The following ABI3BP variants were observed in gnomAD, a reference collection of about 807,000 sequenced individuals.
ABI3BP encodes ABI family member 3 binding protein.
ABI3BP carries 216 observed loss-of-function variants against 268.6 expected under a neutral mutation model. The observed-to-expected ratio is 0.80, with a 90% CI of 0.72 to 0.90. ABI3BP has a LOEUF of 0.90. Ranked by LOEUF, ABI3BP falls within the 40% of genes least tolerant of loss-of-function variation. The probability of loss-of-function intolerance (pLI) is 0.00; values close to 1 mark genes in which losing one functional copy is unlikely to be tolerated. For missense variants in ABI3BP, 2,090 were observed against 2,182.4 expected (o/e 0.96, Z 0.84); for synonymous variants, 730 against 730.0 (o/e 1.00, Z 0.00).
chr3:100,774,913 T>C (rs2096657893), intron 60 of ABI3BP, among the ~76,000 whole-genome samples: 1 of 152,194 alleles, frequency 6.6e-6, no homozygotes, highest in Admixed American at 6.5e-5. Context: ...TATGCACTAA[T>C]AACTTAAGAT....
intron 51 of ABI3BP, among the ~76,000 whole-genome samples, chr3:100,802,138 C>T (rs899975962): frequency 6.6e-6 from 1 of 152,042 alleles, no homozygotes; most frequent in Admixed American, 6.6e-5. Flanking sequence ...CAAAAAACTC[C>T]CCTTAAAACC....
At chr3:100,795,934 G>T in intron 52 of ABI3BP, 83 bp from the exon 53 acceptor site, 1 of 965,018 alleles carries the variant, frequency 1.0e-6, no homozygotes, top group Non-Finnish European at 1.4e-6. Flanking sequence ...TTTTTTAGAT[G>T]CATTGATTTA....
chr3:100,988,278 T>C (rs1180813824), intron 1 of ABI3BP, among the ~76,000 whole-genome samples: 5 of 152,162 alleles, frequency 3.3e-5, no homozygotes, highest in Admixed American at 2.0e-4. Flanking sequence ...AGCTGGAAAG[T>C]TGACAGAGCA....
rs1322045493 is a variant in ABI3BP at position 100,835,605 on chromosome 3, T to C, written c.2187A>G (p.Thr729=). 1 of 1,534,520 alleles carries C rather than the reference T, an allele frequency of 6.5e-7. No homozygotes were observed. The highest frequency in any genetic ancestry group is 2.0e-5 in the Admixed American group (1 of 50,960). Residue 729 remains threonine (T), a synonymous_variant, in exon 28 of 68, where the codon ACA becomes ACG. Transcript: ENST00000471714. ...VTVRTEATVT[T]LAPKTSQRTR... ...AAAGACATAAGAGGTCATTACCTAA[T>C]GTTGTCACTGTAGCCTCAGTTCTCA...
intron 12 of ABI3BP, 61 bp downstream of exon 12, chr3:100,863,941 T>C: frequency 1.7e-6 from 2 of 1,211,222 alleles, no homozygotes; most frequent in South Asian, 2.6e-5. Flanking sequence ...AAAAGACTTC[T>C]TTGAAGCATG....
chr3:100,802,128 C>CA (rs756624176), intron 51 of ABI3BP, among the ~76,000 whole-genome samples: 1 of 152,094 alleles, frequency 6.6e-6, no homozygotes, highest in Non-Finnish European at 1.5e-5. Flanking sequence ...AATTAGTTCA[C>CA]AAAAAACTCC....
At position 100,808,212 on chromosome 3, in the gene ABI3BP, G is replaced by A. The variant is rs1017009769; in HGVS notation, c.3631C>T (p.Pro1211Ser). The change falls in exon 50 of 68, where the codon CCT becomes TCT. Residue 1211 changes from proline to serine, a missense_variant. By Grantham distance (74) the Pro-to-Ser change is moderately conservative. Transcript: ENST00000471714. ...EPAPKQTPRA[P>S]PKPKTSPRPR... is the part of the protein sequence containing the mutation. ...CGTGGTGATGTTTTTGGCTTAGGAG[G>A]AGCACGTGGTGTCTGCTTGGGAGCT... The A allele has an allele frequency of 1.9e-6, 3 of 1,611,148 alleles. No homozygotes were observed. Among genetic ancestry groups the A allele is most frequent in the Non-Finnish European group, 2.5e-6 (3 of 1,178,276 alleles).
At chr3:100,906,347 T>A (rs2153527005) in intron 2 of ABI3BP, among the ~76,000 whole-genome samples, 1 of 152,362 alleles carries the variant, frequency 6.6e-6, no homozygotes, top group East Asian at 1.9e-4. Context: ...ACAAATGTCA[T>A]TACCTGGGTG....
intron 54 of ABI3BP, among the ~76,000 whole-genome samples, chr3:100,794,295 C>T (rs555760080): frequency 6.6e-6 from 1 of 151,962 alleles, no homozygotes. Context: ...AGCTGTTTCA[C>T]CTTGGCCAAA....
chr3:100,866,598 TATG>T (rs984629297), intron 10 of ABI3BP, among the ~76,000 whole-genome samples: 7 of 152,204 alleles, frequency 4.6e-5, no homozygotes, highest in Admixed American at 2.0e-4. Flanking sequence ...AAACTTGTGG[TATG>T]ATGTTTTTAA....
At chr3:100,947,908 C>G (rs777546075) in intron 1 of ABI3BP, among the ~76,000 whole-genome samples, 106 of 152,132 alleles carry the variant, frequency 7.0e-4, no homozygotes, top group Non-Finnish European at 1.5e-3. Context: ...AGCTCCATAA[C>G]TGCTGTGATC....
At chr3:100,752,746 A>G (rs2095409389) in intron 66 of ABI3BP, 41 bp downstream of exon 66, 2 of 1,597,482 alleles carry the variant, frequency 1.3e-6, no homozygotes, top group Non-Finnish European at 1.7e-6. Context: ...AAACATTCCC[A>G]TAAGTTAAGG....
chr3:100,816,860 T>A, intron 42 of ABI3BP, 92 bp from the exon 43 acceptor site: 1 of 809,080 alleles, frequency 1.2e-6, no homozygotes, highest in Non-Finnish European at 2.0e-6. Flanking sequence ...CCTTGAGATT[T>A]AAGTCATATG....
At chr3:100,976,135 A>C (rs1401267240) in intron 1 of ABI3BP, among the ~76,000 whole-genome samples, 1 of 152,208 alleles carries the variant, frequency 6.6e-6, no homozygotes, top group Non-Finnish European at 1.5e-5. Context: ...GAAGTAAACT[A>C]TAGGTAAAAT....
intron 60 of ABI3BP, 71 bp from the exon 61 acceptor site, chr3:100,774,744 A>G: frequency 1.7e-6 from 2 of 1,173,742 alleles, no homozygotes; most frequent in Non-Finnish European, 2.4e-6. Context: ...AAAAAGTTGT[A>G]GACTAAAGAT....
chr3:100,838,079 T>A (rs1366140994), intron 26 of ABI3BP, 131 bp downstream of exon 26: 2 of 1,035,420 alleles, frequency 1.9e-6, no homozygotes, highest in Non-Finnish European at 2.8e-6. Context: ...TGTGGCTACT[T>A]GGAGAAGATA....
chr3:100,911,971 A>C, intron 2 of ABI3BP: 1 of 841,158 alleles, frequency 1.2e-6, no homozygotes, highest in African/African-American at 1.7e-5. Context: ...GAGGAATTAT[A>C]AAAGCTAAAA....
intron 2 of ABI3BP, chr3:100,911,867 C>A: frequency 6.3e-7 from 1 of 1,599,946 alleles, no homozygotes. Flanking sequence ...ACGTCATGAT[C>A]TGATCTGAAT....
chr3:100,847,040 C>G (rs1448115833), intron 19 of ABI3BP, among the ~76,000 whole-genome samples: 1 of 152,004 alleles, frequency 6.6e-6, no homozygotes, highest in Non-Finnish European at 1.5e-5. Flanking sequence ...GCAGATGCAA[C>G]AATAAATTTA....
Sources: gnomAD v4.1 joint callset for allele counts (sites outside exome capture counted in the v4.1 genomes callset) on GRCh38, gnomAD v4.1.1 for gene constraint, MANE v1.5 for transcripts, NCBI Gene and HGNC (gene_info 2026-07-23, HGNC 2026-07-21) for gene names.